NAV2: variants seen among roughly 807,000 people sequenced by gnomAD.
NAV2 encodes the protein helicase, APC down-regulated 1.
NAV2 carries 54 observed loss-of-function variants against 223.2 expected under a neutral mutation model. The ratio of observed to expected loss-of-function variants is 0.24; its 90% CI spans 0.19 to 0.30. The LOEUF (loss-of-function observed/expected upper bound fraction) is 0.30, where lower values mean the gene tolerates loss of function less well. Among genes scored for constraint, NAV2 ranks in the 10% least tolerant of loss-of-function variants. The pLI, the probability that NAV2 is intolerant of heterozygous loss-of-function variation, is 1.00. For synonymous variants in NAV2, 1,279 were observed against 1,239.3 expected (o/e 1.03, Z -0.67); for missense variants, 2,806 against 3,147.5 (o/e 0.89, Z 2.60).
At chr11:20,100,011 A>T (rs2061518470) in intron 31 of NAV2, among the ~76,000 whole-genome samples, 1 of 152,162 alleles carries the variant, frequency 6.6e-6, no homozygotes, top group Non-Finnish European at 1.5e-5. Flanking sequence ...GTACACTTAG[A>T]TATAGATGCA....
chr11:19,912,707 T>A (rs1446116899), intron 6 of NAV2, among the ~76,000 whole-genome samples: 4 of 152,250 alleles, frequency 2.6e-5, no homozygotes, highest in African/African-American at 9.6e-5. Context: ...AGACCCAGAC[T>A]GTGCCTTATT....
At chr11:19,769,463 T>G (rs1208796571) in intron 1 of NAV2, among the ~76,000 whole-genome samples, 1 of 152,180 alleles carries the variant, frequency 6.6e-6, no homozygotes, top group East Asian at 1.9e-4. Context: ...AGAGGGTGAT[T>G]GCAGATACAC....
intron 11 of NAV2, among the ~76,000 whole-genome samples, chr11:20,005,423 T>C (rs1011409970): frequency 2.6e-5 from 4 of 151,774 alleles, no homozygotes; most frequent in Non-Finnish European, 4.4e-5. Flanking sequence ...TTTTTATATT[T>C]TTAGTAGAGA....
At chr11:19,634,440 C>T (rs1213927497) in intron 1 of NAV2, among the ~76,000 whole-genome samples, 1 of 152,170 alleles carries the variant, frequency 6.6e-6, no homozygotes, top group Non-Finnish European at 1.5e-5. Flanking sequence ...ACCCCCATGA[C>T]ATGAGTTTAC....
chr11:19,553,629 T>C (rs1482453071), intron 1 of NAV2, among the ~76,000 whole-genome samples: 1 of 152,214 alleles, frequency 6.6e-6, no homozygotes, highest in East Asian at 1.9e-4. Context: ...CTCAGGCTGG[T>C]TTGCATCTTC....
chr11:20,027,819 A>G (rs909264771), intron 11 of NAV2: 1 of 152,238 alleles, frequency 6.6e-6, no homozygotes, highest in South Asian at 2.1e-4. Context: ...GAAAGGTGTA[A>G]TGATCCTCCC....
chr11:19,761,655 C>A (rs1411117542), intron 1 of NAV2, among the ~76,000 whole-genome samples: 2 of 152,168 alleles, frequency 1.3e-5, no homozygotes, highest in Non-Finnish European at 2.9e-5. Flanking sequence ...CTACTGTAAC[C>A]CCAACTGCGA....
chr11:19,757,996 C>G (rs976584373), intron 1 of NAV2, among the ~76,000 whole-genome samples: 2 of 152,080 alleles, frequency 1.3e-5, no homozygotes, highest in Non-Finnish European at 2.9e-5. Context: ...ACCTGGTCTT[C>G]GACAAACCCC....
chr11:19,758,425 G>A (rs867318077), intron 1 of NAV2, among the ~76,000 whole-genome samples: 17 of 152,224 alleles, frequency 1.1e-4, no homozygotes, highest in Middle Eastern at 3.2e-3. Context: ...GAGAGGGGCT[G>A]AAGGAGCTGG....
chr11:19,402,346 A>G (rs1281639132), intron 1 of NAV2, among the ~76,000 whole-genome samples: 1 of 152,194 alleles, frequency 6.6e-6, no homozygotes, highest in African/African-American at 2.4e-5. Context: ...CACTACATAG[A>G]GTCGTGGTGA....
chr11:19,434,490 A>G (rs1358894746), intron 1 of NAV2, among the ~76,000 whole-genome samples: 3 of 152,232 alleles, frequency 2.0e-5, no homozygotes, highest in Non-Finnish European at 4.4e-5. Flanking sequence ...TTTTCAGTGT[A>G]TCCTTGAGAA....
intron 1 of NAV2, among the ~76,000 whole-genome samples, chr11:19,775,802 A>C (rs1299716659): frequency 6.6e-6 from 1 of 152,186 alleles, no homozygotes; most frequent in Non-Finnish European, 1.5e-5. Flanking sequence ...TATCACGTGC[A>C]AAGGTCCTGA....
upstream of NAV2, among the ~76,000 whole-genome samples, chr11:19,710,722 A>C (rs2049838149): frequency 6.6e-6 from 1 of 152,256 alleles, no homozygotes; most frequent in Admixed American, 6.5e-5. Flanking sequence ...AAATCTTGGT[A>C]CACTGGTCAG....
At chr11:20,011,727 G>A (rs1293129288) in intron 11 of NAV2, among the ~76,000 whole-genome samples, 1 of 152,206 alleles carries the variant, frequency 6.6e-6, no homozygotes, top group Non-Finnish European at 1.5e-5. Context: ...TTGTAATTGT[G>A]TAGTACAGCA....
rs148353647 is a variant in NAV2, at chr11:19,719,376, C to T, written c.267+5414C>T. ...AGGTTATCACTTGGAGGCAGTTTTA[C>T]GTGGTAAATTCGACTTTATTGAGAG... On this transcript the variant is annotated intron_variant, in intron 1 of 37. Coordinates refer to ENST00000349880, the MANE Select transcript of NAV2 (RefSeq NM_145117.5). Among the ~76,000 whole-genome samples, 54 of 152,204 alleles carry T rather than the reference C, an allele frequency of 3.5e-4. No homozygotes were observed. The East Asian group carries it at 9.1e-3, about 26-fold the overall frequency.
chr11:19,892,014 A>G (rs1043385447), intron 5 of NAV2, among the ~76,000 whole-genome samples: 1 of 152,088 alleles, frequency 6.6e-6, no homozygotes, highest in Non-Finnish European at 1.5e-5. Flanking sequence ...GCTGGAGTGC[A>G]ATGGCGTGAT....
chr11:19,490,772 T>G (rs2042598872), intron 1 of NAV2, among the ~76,000 whole-genome samples: 1 of 152,208 alleles, frequency 6.6e-6, no homozygotes, highest in Admixed American at 6.5e-5. Context: ...TCTAGAATAG[T>G]GAAATTTTCC....
chr11:19,954,330 C>T (rs2165800), intron 10 of NAV2, among the ~76,000 whole-genome samples: 85,017 of 152,060 alleles, frequency 0.56, 25,750 homozygotes, highest in East Asian at 0.72. Flanking sequence ...AGGAATTACT[C>T]CATCAACAAA....
At chr11:20,030,409 A>T (rs1176983060) in intron 11 of NAV2, among the ~76,000 whole-genome samples, 1 of 152,228 alleles carries the variant, frequency 6.6e-6, no homozygotes, top group Admixed American at 6.5e-5. Context: ...TTAATATTTA[A>T]TCGAAGTTTT....
Sources: allele counts gnomAD v4.1 joint callset (sites outside exome capture counted in the v4.1 genomes callset), GRCh38; gene constraint gnomAD v4.1.1; transcripts MANE v1.5; gene names NCBI Gene and HGNC (gene_info 2026-07-23, HGNC 2026-07-21).